Variants in RGS8 observed in about 807,000 individuals in gnomAD.
RGS8 encodes the protein regulator of G protein signaling 8, also known as regulator of G-protein signaling 8.
A neutral mutation model predicts 21.7 loss-of-function variants in RGS8; 8 were observed. The ratio of observed to expected loss-of-function variants is 0.37; its 90% confidence interval spans 0.22 to 0.66. The LOEUF (loss-of-function observed/expected upper bound fraction) is 0.66. Ranked by LOEUF, RGS8 falls within the 30% of genes least tolerant of loss-of-function variation. The probability of loss-of-function intolerance (pLI) is 0.59; values close to 1 mark genes in which losing one functional copy is unlikely to be tolerated. For missense variants in RGS8, 157 were observed against 217.9 expected (o/e 0.72, Z 1.76); for synonymous variants, 80 against 83.6 (o/e 0.96, Z 0.24).
the RGS8 span, among the ~76,000 whole-genome samples, chr1:182,737,942 A>G: frequency 6.6e-5 from 10 of 152,320 alleles, no homozygotes; most frequent in African/African-American, 1.4e-4. Context: ...CTGCAACCCA[A>G]TTGAAGCCCT....
chr1:182,704,266 G>A, the RGS8 span, among the ~76,000 whole-genome samples: 4 of 152,188 alleles, frequency 2.6e-5, no homozygotes, highest in African/African-American at 7.2e-5. Context: ...AGAACTCTCA[G>A]GACAATGGGT....
upstream of RGS8, among the ~76,000 whole-genome samples, chr1:182,684,943 C>A (rs528671027): frequency 6.6e-6 from 1 of 152,102 alleles, no homozygotes. The surrounding 1 kb of genome is among the most constrained non-coding windows in gnomAD (Gnocchi z 4.2). Context: ...TGAGAGATGG[C>A]GAAGGGGGAA....
At chr1:182,705,939 C>T in the RGS8 span, among the ~76,000 whole-genome samples, 1 of 152,088 alleles carries the variant, frequency 6.6e-6, no homozygotes, top group South Asian at 2.1e-4. Flanking sequence ...GATTCTGTCC[C>T]CCACTATCCC....
chr1:182,717,353 T>C, the RGS8 span, among the ~76,000 whole-genome samples: 2 of 152,236 alleles, frequency 1.3e-5, no homozygotes, highest in African/African-American at 4.8e-5. Context: ...CATCAATTAC[T>C]TTCCTATGGA....
the RGS8 span, among the ~76,000 whole-genome samples, chr1:182,750,185 G>A: frequency 1.7e-3 from 256 of 152,270 alleles, 1 homozygote; most frequent in Non-Finnish European, 9.0e-4. Flanking sequence ...TTGGGCTATG[G>A]AAGCCTAATA....
the RGS8 span, among the ~76,000 whole-genome samples, chr1:182,722,314 C>A: frequency 1.4e-5 from 2 of 144,542 alleles, no homozygotes; most frequent in Non-Finnish European, 3.0e-5. Context: ...CCATTGCTGC[C>A]TCACAGATTG....
chr1:182,722,563 G>A, the RGS8 span, among the ~76,000 whole-genome samples: 20 of 152,152 alleles, frequency 1.3e-4, no homozygotes, highest in Middle Eastern at 3.4e-3. Context: ...CTTTCTATGC[G>A]TCTGGTGGCT....
the RGS8 span, among the ~76,000 whole-genome samples, chr1:182,691,040 T>A: frequency 6.6e-6 from 1 of 152,242 alleles, no homozygotes; most frequent in Non-Finnish European, 1.5e-5. Flanking sequence ...GCCAGTCTGC[T>A]GCCAGACATG....
chr1:182,686,841 G>A (rs1664723307), upstream of RGS8, among the ~76,000 whole-genome samples: 1 of 152,056 alleles, frequency 6.6e-6, no homozygotes, highest in Non-Finnish European at 1.5e-5. Context: ...TTTGAGAAGT[G>A]ACTACATTTA....
At chr1:182,657,474 T>C (rs2102420147) in intron 5 of RGS8, among the ~76,000 whole-genome samples, 1 of 152,258 alleles carries the variant, frequency 6.6e-6, no homozygotes. Context: ...ATTAGCTGTG[T>C]TTCCTCTGCC....
intron 5 of RGS8, among the ~76,000 whole-genome samples, chr1:182,656,933 CTT>C (rs146234083): frequency 0.014 from 2,182 of 152,262 alleles, 62 homozygotes; most frequent in African/African-American, 0.049. Context: ...TCCCCCAACT[CTT>C]TTTATATTCC....
exon 7 of RGS8, chr1:182,646,641 G>C: frequency 4.6e-6 from 5 of 1,094,818 alleles, no homozygotes; most frequent in South Asian, 1.6e-5. Context: ...CAATGCCACC[G>C]CTTTTGAACA....
chr1:182,720,985 ACATATATATGTGTG>A, the RGS8 span, among the ~76,000 whole-genome samples: 23,144 of 84,414 alleles, frequency 0.27, 3,341 homozygotes, highest in African/African-American at 0.32. Context: ...ACATATATAC[ACATATATATGTGTG>A]TATATATACA....
upstream of RGS8, among the ~76,000 whole-genome samples, chr1:182,686,855 G>A (rs986953358): frequency 6.6e-6 from 1 of 152,110 alleles, no homozygotes; most frequent in Non-Finnish European, 1.5e-5. Flanking sequence ...ACATTTACAG[G>A]AGGAGCAGAG....
At chr1:182,672,639 T>C (rs956156733), upstream of RGS8, among the ~76,000 whole-genome samples, 2 of 152,212 alleles carry the variant, frequency 1.3e-5, no homozygotes, top group East Asian at 3.8e-4. Flanking sequence ...TCTGTGCTCC[T>C]GCCTCTCACC....
the RGS8 span, among the ~76,000 whole-genome samples, chr1:182,699,168 G>T: frequency 4.6e-5 from 7 of 152,180 alleles, no homozygotes; most frequent in Admixed American, 2.6e-4. Context: ...TCATCACCCT[G>T]CATGCCTCCA....
chr1:182,719,829 T>C, the RGS8 span, among the ~76,000 whole-genome samples: 1 of 152,228 alleles, frequency 6.6e-6, no homozygotes, highest in Non-Finnish European at 1.5e-5. Flanking sequence ...TAGTCACTTT[T>C]GTTAGTTAAG....
upstream of RGS8, among the ~76,000 whole-genome samples, chr1:182,675,204 C>A (rs1282154971): frequency 6.6e-6 from 1 of 152,180 alleles, no homozygotes; most frequent in Non-Finnish European, 1.5e-5. Flanking sequence ...CCACAAGGGA[C>A]CCTAAGCCTA....
downstream of RGS8, chr1:182,644,709 G>A (rs1662627783): frequency 6.6e-6 from 1 of 152,216 alleles, no homozygotes; most frequent in Non-Finnish European, 1.5e-5. Context: ...CGACAGTAGA[G>A]TTGGCAGCAG....
Sources: allele counts gnomAD v4.1 joint callset (sites outside exome capture counted in the v4.1 genomes callset), GRCh38; gene constraint gnomAD v4.1.1; non-coding constraint Gnocchi (gnomAD v3.1); transcripts MANE v1.5; gene names NCBI Gene and HGNC (gene_info 2026-07-23, HGNC 2026-07-21).